The following POU6F2 variants were observed in gnomAD, a reference collection of about 807,000 sequenced individuals.
The protein encoded by POU6F2 is POU class 6 homeobox 2.
Under a neutral mutation model 71.3 loss-of-function variants are expected in POU6F2, and 31 were observed. The ratio of observed to expected loss-of-function variants is 0.43; its 90% CI spans 0.33 to 0.59. The LOEUF (loss-of-function observed/expected upper bound fraction) is 0.59. Among genes scored for constraint, POU6F2 ranks in the 20% least tolerant of loss-of-function variants. The pLI, the probability that POU6F2 is intolerant of heterozygous loss-of-function variation, is 0.04. For synonymous variants in POU6F2, 347 were observed against 355.7 expected, an observed-to-expected ratio of 0.98 and a Z score of 0.27; for missense variants, 783 against 856.8, an observed-to-expected ratio of 0.91 and a Z score of 1.07.
intron 4 of POU6F2, among the ~76,000 whole-genome samples, chr7:39,308,474 G>A (rs866822106): frequency 1.3e-5 from 2 of 152,196 alleles, no homozygotes; most frequent in South Asian, 4.1e-4. Flanking sequence ...GAGATTGTCA[G>A]CTCTGGCCCT....
At chr7:39,285,359 A>T (rs1465831330) in intron 4 of POU6F2, among the ~76,000 whole-genome samples, 4 of 152,200 alleles carry the variant, frequency 2.6e-5, no homozygotes, top group African/African-American at 7.2e-5. Flanking sequence ...TGTAGGATGT[A>T]TGGCCACCAT....
chr7:39,142,286 T>C (rs1792518920), intron 2 of POU6F2, among the ~76,000 whole-genome samples: 1 of 152,206 alleles, frequency 6.6e-6, no homozygotes, highest in Admixed American at 6.5e-5. Context: ...CTCTTGGTTA[T>C]TGGTCTGCTC....
intron 1 of POU6F2, among the ~76,000 whole-genome samples, chr7:39,039,525 C>G (rs1411867050): frequency 6.6e-6 from 1 of 151,858 alleles, no homozygotes; most frequent in Non-Finnish European, 1.5e-5. Context: ...TATAGACAAT[C>G]TCCATAATTG....
At chr7:39,341,842 A>G (rs1785923538) in intron 5 of POU6F2, among the ~76,000 whole-genome samples, 1 of 152,144 alleles carries the variant, frequency 6.6e-6, no homozygotes, top group South Asian at 2.1e-4. Context: ...GCCCTGTTGA[A>G]TGACTGTTGA....
intron 4 of POU6F2, among the ~76,000 whole-genome samples, chr7:39,307,336 T>C (rs1785066148): frequency 6.6e-6 from 1 of 152,170 alleles, no homozygotes; most frequent in Non-Finnish European, 1.5e-5. Flanking sequence ...AAAGTTAATA[T>C]TTTTTAGAAT....
chr7:39,204,206 T>C (rs1364351045), intron 2 of POU6F2, 29 bp from the exon 3 acceptor site: 3 of 1,578,842 alleles, frequency 1.9e-6, no homozygotes, highest in African/African-American at 1.3e-5. Context: ...GATCATATAT[T>C]AAGGGAGTAT....
rs567155886 is a variant in POU6F2 at position 39,382,277 on chromosome 7, A to G, written c.973-24323A>G. 4.2e-4 allele frequency among the ~76,000 whole-genome samples: 64 copies of G among 152,316 alleles called. 1 individual carries two copies. The South Asian group carries it at 0.01, about 24-fold the overall frequency. On this transcript the variant is annotated intron_variant, in intron 5 of 9. Transcript: ENST00000518318. ...GCCTATCAGAATGGGAAGATACAGA[A>G]CAGAAACATACAACAGAGAGACAGA...
intron 5 of POU6F2, among the ~76,000 whole-genome samples, chr7:39,387,793 G>C (rs1323327659): frequency 6.6e-6 from 1 of 152,212 alleles, no homozygotes; most frequent in African/African-American, 2.4e-5. Flanking sequence ...TCCATTGGCT[G>C]TCAGGACTGA....
chr7:39,178,521 ACT>A (rs1793373828), intron 2 of POU6F2, among the ~76,000 whole-genome samples: 2 of 152,106 alleles, frequency 1.3e-5, no homozygotes, highest in Admixed American at 6.5e-5. Context: ...CCATGCAGAA[ACT>A]CTCTCAATTG....
intron 4 of POU6F2, among the ~76,000 whole-genome samples, chr7:39,278,073 AAGAAAGCG>A (rs1253923827): frequency 7.7e-6 from 1 of 130,222 alleles, no homozygotes; most frequent in Non-Finnish European, 1.6e-5. Context: ...ACTCCGTTGA[AAGAAAGCG>A]AGAAAGAGAG....
At chr7:39,286,730 A>T (rs1784657078) in intron 4 of POU6F2, among the ~76,000 whole-genome samples, 1 of 152,174 alleles carries the variant, frequency 6.6e-6, no homozygotes, top group Non-Finnish European at 1.5e-5. Context: ...AATTAGTTTC[A>T]TAGAATGTTA....
In POU6F2 at chr7:39,464,712, C is replaced by G. The variant is rs1468348761; in HGVS notation, c.*26C>G. On this transcript the variant is annotated 3_prime_UTR_variant, in exon 10 of 10. Transcript: ENST00000518318. The surrounding 1 kb of genome is among the most constrained non-coding windows in gnomAD (Gnocchi z 4.1). Reference sequence around the variant, plus strand: ...AGAGATGCCCACCCATAATCAGAAGCAAAATTCACAGAAACTAAACTCCAC... The same window carrying G: ...AGAGATGCCCACCCATAATCAGAAGGAAAATTCACAGAAACTAAACTCCAC... 6.4e-7 allele frequency: 1 copy of G among 1,563,412 alleles called. No homozygotes were observed. Among genetic ancestry groups the G allele is most frequent in the Non-Finnish European group, 8.6e-7 (1 of 1,157,258 alleles).
At chr7:39,134,691 T>C (rs944563910) in intron 2 of POU6F2, among the ~76,000 whole-genome samples, 1 of 152,188 alleles carries the variant, frequency 6.6e-6, no homozygotes, top group Non-Finnish European at 1.5e-5. Context: ...CTCCAATCTG[T>C]GTGCAAGCTC....
chr7:39,233,494 C>T (rs1342970123), intron 4 of POU6F2, among the ~76,000 whole-genome samples: 1 of 152,152 alleles, frequency 6.6e-6, no homozygotes, highest in African/African-American at 2.4e-5. Flanking sequence ...TTCTCTGGGA[C>T]TTGTAGGAAG....
intron 1 of POU6F2, among the ~76,000 whole-genome samples, chr7:39,062,512 T>C (rs1199435510): frequency 1.3e-5 from 2 of 151,074 alleles, no homozygotes; most frequent in African/African-American, 2.4e-5. Flanking sequence ...GCCCATTCCA[T>C]CCTGAGCTAG....
chr7:39,094,543 A>C (rs2128722433), intron 2 of POU6F2, among the ~76,000 whole-genome samples: 1 of 152,254 alleles, frequency 6.6e-6, no homozygotes, highest in East Asian at 1.9e-4. Context: ...TAAAGAAATC[A>C]TATTTTAAAC....
chr7:39,422,610 G>T (rs1787876414), intron 6 of POU6F2, among the ~76,000 whole-genome samples: 1 of 152,182 alleles, frequency 6.6e-6, no homozygotes, highest in Admixed American at 6.5e-5. Flanking sequence ...ATGGACTAAA[G>T]ATGTGCAGAG....
At chr7:39,421,223 C>A (rs192718331) in intron 6 of POU6F2, among the ~76,000 whole-genome samples, 2 of 151,946 alleles carry the variant, frequency 1.3e-5, no homozygotes, top group Admixed American at 1.3e-4. Flanking sequence ...TGTGGTCTCA[C>A]CCTAAAGAAC....
chr7:39,033,176 A>C (rs188470726), intron 1 of POU6F2, among the ~76,000 whole-genome samples: 2 of 152,368 alleles, frequency 1.3e-5, no homozygotes, highest in Admixed American at 1.3e-4. Flanking sequence ...ATCAATGATC[A>C]GTTGCCTAAA....
Sources: allele counts gnomAD v4.1 joint callset (sites outside exome capture counted in the v4.1 genomes callset), GRCh38; gene constraint gnomAD v4.1.1; non-coding constraint Gnocchi (gnomAD v3.1); transcripts MANE v1.5; gene names NCBI Gene and HGNC (gene_info 2026-07-23, HGNC 2026-07-21).